The following REL variants were observed in gnomAD, a reference collection of about 807,000 sequenced individuals.
REL encodes the protein proto-oncogene c-Rel.
REL carries 15 observed loss-of-function variants against 45.9 expected under a neutral mutation model. That is an observed-to-expected ratio of 0.33 (90% CI 0.22 to 0.50). REL has a LOEUF of 0.50. REL is among the 20% of genes least tolerant of loss of function. The pLI, the probability that REL is intolerant of heterozygous loss-of-function variation, is 0.98. For synonymous variants in REL, 239 were observed against 242.1 expected (o/e 0.99, Z 0.12); for missense variants, 601 against 715.2 (o/e 0.84, Z 1.82).
Position 60,891,026 on chromosome 2 carries a change from CT to C in REL, c.11-649del, listed in dbSNP as rs572903405. Among the ~76,000 whole-genome samples the C allele has an allele frequency of 2.6e-4, 39 of 152,202 alleles. 1 individual carries two copies. Among genetic ancestry groups the C allele is most frequent in the African/African-American group, 8.4e-4 (35 of 41,534 alleles). On this transcript the variant is annotated intron_variant, in intron 1 of 9. Transcript: ENST00000394479. ...TTTTAGTTATTATAGAAAGTGAATA[CT>C]TTTTTTTCTCTATTATGTCTTTAGA...
intron 3 of REL, among the ~76,000 whole-genome samples, chr2:60,897,966 C>T (rs1267512774): frequency 1.3e-5 from 2 of 151,934 alleles, no homozygotes; most frequent in East Asian, 1.9e-4. Flanking sequence ...TCCAATGTGC[C>T]GTATGTTAGT....
At position 60,922,221 on chromosome 2, in the gene REL, A is replaced by C; in HGVS notation, c.1450A>C (p.Ser484Arg). 8 of 1,614,184 alleles carry C rather than the reference A, an allele frequency of 5.0e-6. No individual in the cohort carries two copies. Among genetic ancestry groups the C allele is most frequent in the Non-Finnish European group, 6.8e-6 (8 of 1,180,024 alleles). Residue 484 changes from serine (S) to arginine (R), a missense_variant, in exon 10 of 10, where the codon AGC becomes CGC. Ser to Arg is a moderately radical substitution (Grantham distance 110). Coordinates refer to ENST00000394479, the MANE Select transcript of REL (RefSeq NM_001291746.2). ...AGAGACTGATAATCCAAGACTTCTG[A>C]GCATGAATCTTGAAAACCCCTCATG... ...MGETDNPRLL[S>R]MNLENPSCNS...
chr2:60,918,056 A>G, intron 5 of REL, 135 bp from the exon 6 acceptor site: 1 of 595,948 alleles, frequency 1.7e-6, no homozygotes, highest in East Asian at 2.8e-5. Flanking sequence ...ATAGATGATT[A>G]ATGTATTTAG....
intron 1 of REL, among the ~76,000 whole-genome samples, chr2:60,884,974 C>A (rs938056475): frequency 2.0e-5 from 3 of 151,882 alleles, no homozygotes; most frequent in African/African-American, 7.3e-5. Flanking sequence ...AAGTAAAATG[C>A]CACACATGAG....
chr2:60,920,806 G>T (rs1034115511), intron 9 of REL, among the ~76,000 whole-genome samples, 164 bp downstream of exon 9: 4 of 152,102 alleles, frequency 2.6e-5, no homozygotes, highest in Non-Finnish European at 5.9e-5. Context: ...GCTTCTGAAG[G>T]TTGTGTTAGA....
intron 4 of REL, among the ~76,000 whole-genome samples, chr2:60,912,453 G>A (rs1002783700): frequency 1.3e-5 from 2 of 152,058 alleles, no homozygotes; most frequent in Non-Finnish European, 2.9e-5. Context: ...GTTTTATTAT[G>A]GTGTTGTTTC....
At chr2:60,891,540 T>G (rs945331845) in intron 1 of REL, 143 bp from the exon 2 acceptor site, 2 of 713,504 alleles carry the variant, frequency 2.8e-6, no homozygotes, top group African/African-American at 3.7e-5. Context: ...ATCTCCAAGA[T>G]AACATTTCGG....
intron 1 of REL, among the ~76,000 whole-genome samples, chr2:60,885,531 G>A (rs1261166824): frequency 6.6e-6 from 1 of 152,104 alleles, no homozygotes; most frequent in Admixed American, 6.6e-5. Context: ...ATACTCATCT[G>A]AAAATTTCCT....
At chr2:60,891,071 G>C (rs13429481) in intron 1 of REL, among the ~76,000 whole-genome samples, 2,214 of 152,258 alleles carry the variant, frequency 0.015, 55 homozygotes, top group African/African-American at 0.051. Flanking sequence ...GCATGGGACT[G>C]ATTGCACATT....
intron 3 of REL, among the ~76,000 whole-genome samples, chr2:60,896,072 G>A (rs1258797718): frequency 1.3e-5 from 2 of 150,828 alleles, no homozygotes; most frequent in South Asian, 2.1e-4. Context: ...GTGTGATTTC[G>A]GCTCACTGCA....
chr2:60,917,834 T>C, intron 5 of REL, among the ~76,000 whole-genome samples: 1 of 151,978 alleles, frequency 6.6e-6, no homozygotes, highest in Non-Finnish European at 1.5e-5. Context: ...GAAAGTTGTA[T>C]TGCCATAGGG....
intron 1 of REL, among the ~76,000 whole-genome samples, chr2:60,888,207 G>A (rs569869576): frequency 1.2e-3 from 179 of 152,164 alleles, no homozygotes; most frequent in African/African-American, 4.1e-3. Context: ...GGGATTACAG[G>A]TATGAGCCAC....
intron 3 of REL, 61 bp from the exon 4 acceptor site, chr2:60,900,931 G>C: frequency 2.1e-6 from 3 of 1,401,872 alleles, no homozygotes; most frequent in South Asian, 1.2e-5. Context: ...CTATATGTTT[G>C]ATTTTTGCAA....
At chr2:60,900,007 ATC>A (rs1227818609) in intron 3 of REL, 1 of 152,228 alleles carries the variant, frequency 6.6e-6, no homozygotes, top group African/African-American at 2.4e-5. Context: ...CAAAAAGCAA[ATC>A]TCTGTGGAGC....
In REL at chr2:60,894,403, A is replaced by T; in HGVS notation, c.160A>T (p.Asn54Tyr). Residue 54 changes from asparagine to tyrosine, a missense_variant, in exon 3 of 10, where the codon AAC (asparagine) becomes TAC (tyrosine). Around this residue, in one of 4 missense-constraint regions of REL, gnomAD observed 241 missense variants for 347.0 expected, o/e 0.69. Transcript: ENST00000394479. ...NRTYPSIQIM[N>Y]YYGKGKVRIT... ...AATTTCCCCCTTTTTTCAGATTATGAACTATTATGGAAAAGGAAAAGTGAG... is the reference window on the plus strand; with the variant it reads ...AATTTCCCCCTTTTTTCAGATTATGTACTATTATGGAAAAGGAAAAGTGAG... 6.6e-7 allele frequency: 1 copy of T among 1,521,164 alleles called. No individual in the cohort carries two copies. The highest frequency in any genetic ancestry group is 8.9e-7 in the Non-Finnish European group (1 of 1,120,008). The allele number at this position is 1,521,164 out of a possible 1,614,324, so 94.2% of individuals were successfully genotyped here. A position where few individuals can be genotyped will look rare whatever the true frequency, so the allele number is the denominator to read the frequency against.
At position 60,928,261 on chromosome 2, in the gene REL, C is replaced by CAGAT. The variant is rs1674314020; in HGVS notation, c.*5727_*5730dup. 6.4e-6 allele frequency: 1 copy of CAGAT among 156,018 alleles called. No homozygotes were observed. The highest frequency in any genetic ancestry group is 2.4e-5 in the African/African-American group (1 of 41,374). The allele number at this position is 156,018 out of a possible 1,614,324, so 9.7% of individuals were successfully genotyped here. On this transcript the variant is annotated 3_prime_UTR_variant, in exon 10 of 10. Coordinates refer to ENST00000394479, the MANE Select transcript of REL (RefSeq NM_001291746.2). ...TGGCCATACTGCCCAAGGTAATTTA[C>CAGAT]AGATTCAGTGCCATCCCCATCAAGC... is the stretch of plus-strand genomic sequence containing the variant.
At position 60,919,758 on chromosome 2, in the gene REL, G is replaced by C. The variant is rs1398316236; in HGVS notation, c.854-283G>C. Among the ~76,000 whole-genome samples, 3 of 151,844 alleles carry C rather than the reference G, an allele frequency of 2.0e-5. No individual in the cohort carries two copies. The East Asian group carries it at 5.8e-4, about 29-fold the overall frequency. On this transcript the variant is annotated intron_variant, in intron 7 of 9. Coordinates refer to ENST00000394479, the MANE Select transcript of REL (RefSeq NM_001291746.2). ...TGTTTTTTTATGGAGACAGGGTTTTGTCATGTTGCTTAGGTTGGCCTCAAA... is the reference window on the plus strand; with the variant it reads ...TGTTTTTTTATGGAGACAGGGTTTTCTCATGTTGCTTAGGTTGGCCTCAAA...
chr2:60,889,459 T>A (rs113830986), intron 1 of REL, among the ~76,000 whole-genome samples: 178 of 152,348 alleles, frequency 1.2e-3, no homozygotes, highest in African/African-American at 4.1e-3. Flanking sequence ...GACACCATTT[T>A]TTTTTATTTT....
chr2:60,904,777 C>T (rs1673596014), intron 4 of REL, among the ~76,000 whole-genome samples: 1 of 152,016 alleles, frequency 6.6e-6, no homozygotes, highest in South Asian at 2.1e-4. Context: ...GTGGTCTTAG[C>T]TACTCAGGAG....
Sources: gnomAD v4.1 joint callset for allele counts (sites outside exome capture counted in the v4.1 genomes callset) on GRCh38, gnomAD v4.1.1 for gene constraint, gnomAD v4.1.1 regional missense constraint, MANE v1.5 for transcripts, NCBI Gene and HGNC (gene_info 2026-07-23, HGNC 2026-07-21) for gene names.